Variants in COBLL1 observed in about 807,000 individuals in gnomAD.
COBLL1 encodes cordon-bleu protein-like 1.
In COBLL1, 50 loss-of-function variants were observed where a neutral mutation model predicts 94.8. The observed-to-expected ratio is 0.53, with a 90% CI of 0.42 to 0.67. The LOEUF is 0.67. Ranked by LOEUF, COBLL1 falls within the 30% of genes least tolerant of loss-of-function variation. The probability of loss-of-function intolerance (pLI) is 0.00; values close to 1 mark genes in which losing one functional copy is unlikely to be tolerated. For missense variants in COBLL1, 1,362 were observed against 1,348.7 expected, an observed-to-expected ratio of 1.01 and a Z score of -0.15; for synonymous variants, 448 against 473.8, an observed-to-expected ratio of 0.95 and a Z score of 0.71.
intron 3 of COBLL1, among the ~76,000 whole-genome samples, chr2:164,733,449 C>A (rs549072673): frequency 1.3e-5 from 2 of 152,296 alleles, no homozygotes; most frequent in African/African-American, 4.8e-5. Flanking sequence ...TGAGAGGCAA[C>A]TGAAAACCAC....
intron 2 of COBLL1, among the ~76,000 whole-genome samples, chr2:164,784,643 C>T (rs1688865042): frequency 6.6e-6 from 1 of 152,030 alleles, no homozygotes; most frequent in African/African-American, 2.4e-5. Flanking sequence ...GCATAATCTG[C>T]TTCCCTGTCT....
intron 13 of COBLL1, among the ~76,000 whole-genome samples, chr2:164,687,127 G>C (rs1683336017): frequency 6.6e-6 from 1 of 152,078 alleles, no homozygotes; most frequent in African/African-American, 2.4e-5. Context: ...ACCAGCAGAA[G>C]GGAAAACTCA....
chr2:164,834,432 G>T (rs894067152), intron 2 of COBLL1, among the ~76,000 whole-genome samples: 1 of 152,134 alleles, frequency 6.6e-6, no homozygotes, highest in Non-Finnish European at 1.5e-5. Flanking sequence ...CTTGAAAAAG[G>T]AATCAATCAC....
intron 1 of COBLL1, among the ~76,000 whole-genome samples, chr2:164,674,113 T>C (rs1049832607): frequency 1.3e-5 from 2 of 152,160 alleles, no homozygotes; most frequent in Non-Finnish European, 2.9e-5. Context: ...CAGTCTGGAG[T>C]GCAGTGGCGT....
At chr2:164,692,486 T>G in intron 12 of COBLL1, 89 bp from the exon 13 acceptor site, 1 of 1,007,130 alleles carries the variant, frequency 9.9e-7, no homozygotes, top group Non-Finnish European at 1.5e-6. Context: ...AATAGTTCTT[T>G]AACAATCACC....
intron 13 of COBLL1, among the ~76,000 whole-genome samples, chr2:164,691,316 T>G (rs1249283467): frequency 6.6e-6 from 1 of 152,234 alleles, no homozygotes; most frequent in Non-Finnish European, 1.5e-5. Context: ...CAGGTTTAAT[T>G]TCTGTTGAGC....
chr2:164,764,915 C>A (rs920188854), intron 2 of COBLL1, among the ~76,000 whole-genome samples: 2 of 152,164 alleles, frequency 1.3e-5, no homozygotes, highest in Admixed American at 1.3e-4. Context: ...AGCATTTATA[C>A]TGCCTGAAAT....
intron 2 of COBLL1, among the ~76,000 whole-genome samples, chr2:164,755,343 A>G (rs1687345088): frequency 6.6e-6 from 1 of 152,158 alleles, no homozygotes; most frequent in Non-Finnish European, 1.5e-5. Flanking sequence ...TCCACCAGAA[A>G]AATTTTTTGA....
chr2:164,836,017 G>A (rs555889845), intron 2 of COBLL1, among the ~76,000 whole-genome samples: 5 of 152,058 alleles, frequency 3.3e-5, no homozygotes, highest in South Asian at 2.1e-4. Flanking sequence ...CACATCTGGC[G>A]TTTCAGTACA....
intron 7 of COBLL1, among the ~76,000 whole-genome samples, chr2:164,716,375 T>C (rs571900723): frequency 6.6e-6 from 1 of 152,286 alleles, no homozygotes; most frequent in East Asian, 1.9e-4. Context: ...GGAAAAATCA[T>C]ATTTAAAAAA....
intron 1 of COBLL1, among the ~76,000 whole-genome samples, chr2:164,669,468 T>G (rs1276985393): frequency 6.6e-6 from 1 of 152,208 alleles, no homozygotes; most frequent in Non-Finnish European, 1.5e-5. Context: ...ATACTCAGCC[T>G]TGTTTTATGC....
chr2:164,722,631 C>A, intron 5 of COBLL1, 109 bp from the exon 6 acceptor site: 1 of 559,152 alleles, frequency 1.8e-6, no homozygotes, highest in Non-Finnish European at 3.1e-6. Context: ...CTAAAAGCTA[C>A]TAATTATAGT....
intron 2 of COBLL1, among the ~76,000 whole-genome samples, chr2:164,788,542 T>C (rs1683002885): frequency 6.6e-6 from 1 of 152,210 alleles, no homozygotes; most frequent in African/African-American, 2.4e-5. Flanking sequence ...TAGGAGATAC[T>C]ATAGTTTAGG....
At chr2:164,809,101 T>A (rs768684931) in intron 2 of COBLL1, among the ~76,000 whole-genome samples, 12 of 152,124 alleles carry the variant, frequency 7.9e-5, no homozygotes, top group South Asian at 2.1e-4. Flanking sequence ...CAGTGTTTTT[T>A]TGACTTAGAG....
At chr2:164,707,570 C>T (rs1346099846) in intron 7 of COBLL1, among the ~76,000 whole-genome samples, 1 of 152,164 alleles carries the variant, frequency 6.6e-6, no homozygotes. Context: ...TTGCCTTGTA[C>T]ATTGTCTGCT....
chr2:164,673,679 A>T (rs988372252), intron 1 of COBLL1, among the ~76,000 whole-genome samples: 4 of 152,038 alleles, frequency 2.6e-5, no homozygotes, highest in East Asian at 1.9e-4. Flanking sequence ...CAAAAAAATA[A>T]AAATAAATAA....
chr2:164,783,238 C>T (rs1432848222), intron 2 of COBLL1, among the ~76,000 whole-genome samples: 1 of 151,914 alleles, frequency 6.6e-6, no homozygotes, highest in South Asian at 2.1e-4. Context: ...CTCATCTCTA[C>T]TAAAAATAAA....
intron 1 of COBLL1, among the ~76,000 whole-genome samples, chr2:164,670,071 A>G (rs1691221376): frequency 1.3e-5 from 2 of 152,206 alleles, no homozygotes; most frequent in Non-Finnish European, 2.9e-5. Context: ...AGCAGCTGAC[A>G]TGATTGAAAG....
chr2:164,680,001 T>G (rs917960291), downstream of COBLL1, among the ~76,000 whole-genome samples: 8 of 151,944 alleles, frequency 5.3e-5, no homozygotes, highest in African/African-American at 1.9e-4. Context: ...ATGGTGTTTT[T>G]TAGTTAAAAC....
Sources: allele counts gnomAD v4.1 joint callset (sites outside exome capture counted in the v4.1 genomes callset), GRCh38; gene constraint gnomAD v4.1.1; transcripts MANE v1.5; gene names NCBI Gene and HGNC (gene_info 2026-07-23, HGNC 2026-07-21).